Variants in NSD1 observed in about 807,000 individuals in gnomAD.
NSD1 encodes nuclear receptor binding SET domain protein 1, also known as histone-lysine N-methyltransferase, H3 lysine-36 specific.
NSD1 carries 26 observed loss-of-function variants against 242.7 expected under a neutral mutation model. The ratio of observed to expected loss-of-function variants is 0.11; its 90% CI spans 0.08 to 0.15. NSD1 has a LOEUF of 0.15. Among genes scored for constraint, NSD1 ranks in the 10% least tolerant of loss-of-function variants. The pLI, the probability that NSD1 is intolerant of heterozygous loss-of-function variation, is 1.00. For missense variants in NSD1, 2,495 were observed against 3,272.8 expected, an observed-to-expected ratio of 0.76 and a Z score of 5.80; for synonymous variants, 1,106 against 1,178.1, an observed-to-expected ratio of 0.94 and a Z score of 1.25.
chr5:177,250,845 AACTT>A (rs1282175225), intron 11 of NSD1, among the ~76,000 whole-genome samples: 1 of 152,186 alleles, frequency 6.6e-6, no homozygotes, highest in African/African-American at 2.4e-5. Flanking sequence ...TTGAAGCTAA[AACTT>A]ACTTAGTCAC....
rs1004513384 is a variant in NSD1 at position 177,258,073 on chromosome 5, C to T, written c.4966+922C>T. On this transcript the variant is annotated intron_variant, in intron 13 of 22. Transcript: ENST00000439151. ...TCAGCTCACCGCAACCTCTGCCTCC[C>T]GGGTTCAAGCGATTCTCCTGTCTCA... 1.0e-4 allele frequency among the ~76,000 whole-genome samples: 15 copies of T among 150,422 alleles called. No individual in the cohort carries two copies. In the East Asian group the frequency reaches 2.0e-3, roughly 20 times the overall value.
intron 3 of NSD1, among the ~76,000 whole-genome samples, chr5:177,196,863 G>A (rs545108305): frequency 6.6e-6 from 1 of 152,284 alleles, no homozygotes; most frequent in East Asian, 1.9e-4. Context: ...AGTATGTACT[G>A]GGGATATGTT....
chr5:177,274,697 TTGTGTGTG>T (rs138385964), intron 17 of NSD1, among the ~76,000 whole-genome samples: 163 of 145,440 alleles, frequency 1.1e-3, no homozygotes, highest in African/African-American at 3.8e-3. Context: ...CACTTATCCT[TTGTGTGTG>T]TGTGTGTGTG....
chr5:177,246,025 C>A (rs887253108), intron 9 of NSD1, among the ~76,000 whole-genome samples: 1 of 150,788 alleles, frequency 6.6e-6, no homozygotes, highest in African/African-American at 2.4e-5. Context: ...GGCTGGAGTG[C>A]GGTGGCATGA....
Position 177,211,641 on chromosome 5 carries a change from G to A in NSD1, c.3242G>A (p.Gly1081Glu). Residue 1081 changes from glycine (G) to glutamate (E), a missense_variant, in exon 5 of 23, where the codon GGG (glycine) becomes GAG (glutamate). By Grantham distance (98) the Gly-to-Glu change is moderately conservative. Transcript: ENST00000439151. ...GAACGTGGAGGTTCATTGAGAGGTG[G>A]GGCAGAAGATCCTAGTAAAGAGGAT... The part of the protein sequence containing the change: ...DRERGGSLRG[G>E]AEDPSKEDPL... 1 of 1,614,078 alleles carries A rather than the reference G, an allele frequency of 6.2e-7. No homozygotes were observed. The highest frequency in any genetic ancestry group is 8.5e-7 in the Non-Finnish European group (1 of 1,180,020).
At chr5:177,217,099 A>T (rs1234540876) in intron 5 of NSD1, among the ~76,000 whole-genome samples, 2 of 152,026 alleles carry the variant, frequency 1.3e-5, no homozygotes, top group African/African-American at 2.4e-5. Flanking sequence ...TCCTTTGGGT[A>T]GTAGGGATAT....
At chr5:177,163,544 C>A (rs556839098) in intron 2 of NSD1, among the ~76,000 whole-genome samples, 3 of 152,210 alleles carry the variant, frequency 2.0e-5, no homozygotes, top group African/African-American at 7.2e-5. Flanking sequence ...CCCGTGCTTG[C>A]CTTAGACAAA....
intron 3 of NSD1, among the ~76,000 whole-genome samples, chr5:177,199,691 C>T (rs1251750108): frequency 6.6e-6 from 1 of 151,882 alleles, no homozygotes; most frequent in Non-Finnish European, 1.5e-5. Flanking sequence ...CCTCTGACAT[C>T]CTGGTTCAAG....
intron 4 of NSD1, among the ~76,000 whole-genome samples, chr5:177,208,594 C>A (rs2149841095): frequency 6.6e-6 from 1 of 150,910 alleles, no homozygotes; most frequent in South Asian, 2.1e-4. Flanking sequence ...GTGGCGTGAT[C>A]TCAGCTCACT....
intron 2 of NSD1, among the ~76,000 whole-genome samples, chr5:177,145,231 G>A (rs894483446): frequency 5.4e-5 from 8 of 149,044 alleles, no homozygotes; most frequent in African/African-American, 2.0e-4. Context: ...TTTCCCTTTT[G>A]GTTAATATGT....
At chr5:177,154,882 G>A (rs1219572869) in intron 2 of NSD1, among the ~76,000 whole-genome samples, 2 of 151,384 alleles carry the variant, frequency 1.3e-5, no homozygotes, top group African/African-American at 2.4e-5. Flanking sequence ...TTTTAGTAGC[G>A]ACGGGGTTTC....
intron 2 of NSD1, among the ~76,000 whole-genome samples, chr5:177,159,319 C>T (rs914500775): frequency 4.6e-5 from 7 of 151,030 alleles, no homozygotes; most frequent in East Asian, 1.9e-4. Flanking sequence ...CAGTCTCACT[C>T]GGTTGTCCAG....
Position 177,299,714 on chromosome 5 carries a change from A to G in NSD1, c.*4255A>G. ...TAGAGCTGCTTTCCCATGGCTTTCA[A>G]AACATCAGGTTATTGTGGGGCTTCA... On this transcript the variant is annotated 3_prime_UTR_variant, in exon 23 of 23. Coordinates refer to ENST00000439151, the MANE Select transcript of NSD1 (RefSeq NM_022455.5). The G allele has an allele frequency of 4.3e-6, 1 of 233,304 alleles. No homozygotes were observed. The highest frequency in any genetic ancestry group is 5.6e-5 in the Admixed American group (1 of 17,792). 14.5% of individuals were successfully genotyped at this position (233,304 alleles called of 1,614,324 possible). A position where few individuals can be genotyped will look rare whatever the true frequency, so the allele number is the denominator to read the frequency against.
intron 5 of NSD1, among the ~76,000 whole-genome samples, chr5:177,228,692 G>T (rs1235091595): frequency 6.6e-6 from 1 of 152,068 alleles, no homozygotes; most frequent in Admixed American, 6.6e-5. Flanking sequence ...TAGTCCTTTG[G>T]AAAAATTCAC....
At chr5:177,267,782 C>A (rs552631905) in intron 15 of NSD1, 64 bp downstream of exon 15, 8 of 1,461,110 alleles carry the variant, frequency 5.5e-6, no homozygotes, top group South Asian at 1.1e-5. Context: ...CTCTCAGATA[C>A]AATGCTTAAC....
At chr5:177,272,253 A>G (rs946929283) in intron 16 of NSD1, among the ~76,000 whole-genome samples, 3 of 152,054 alleles carry the variant, frequency 2.0e-5, no homozygotes, top group African/African-American at 7.2e-5. Flanking sequence ...AGACTAGGAC[A>G]TGCTGAATAA....
At position 177,211,139 on chromosome 5, in the gene NSD1, T is replaced by C; in HGVS notation, c.2740T>C (p.Leu914=). 6.2e-7 allele frequency: 1 copy of C among 1,614,166 alleles called. No homozygotes were observed. Among genetic ancestry groups the C allele is most frequent in the Middle Eastern group, 1.6e-4 (1 of 6,062 alleles). Residue 914 remains leucine, a synonymous_variant, in exon 5 of 23, where the codon TTG becomes CTG. Coordinates refer to ENST00000439151, the MANE Select transcript of NSD1 (RefSeq NM_022455.5). ...DYKFSTLLMM[L]KDMHDSKTKE... ...CAAATTCAGTACATTGCTAATGATG[T>C]TGAAAGATATGCATGATAGTAAGAC...
chr5:177,234,446 G>A (rs544304572), intron 5 of NSD1, among the ~76,000 whole-genome samples: 2 of 152,340 alleles, frequency 1.3e-5, no homozygotes, highest in Admixed American at 6.5e-5. Context: ...TGGGCGCAGT[G>A]TCTCGAGAGC....
At chr5:177,206,656 T>C (rs547267384) in intron 4 of NSD1, among the ~76,000 whole-genome samples, 1 of 152,308 alleles carries the variant, frequency 6.6e-6, no homozygotes, top group South Asian at 2.1e-4. Context: ...TAGTATGTGT[T>C]GTTAGGATGA....
Sources: gnomAD v4.1 joint callset for allele counts (sites outside exome capture counted in the v4.1 genomes callset) on GRCh38, gnomAD v4.1.1 for gene constraint, MANE v1.5 for transcripts, NCBI Gene and HGNC (gene_info 2026-07-23, HGNC 2026-07-21) for gene names.